PDE7B: variants seen among roughly 807,000 people sequenced by gnomAD.
PDE7B encodes the protein 3',5'-cyclic-AMP phosphodiesterase 7B.
In PDE7B, 29 loss-of-function variants were observed where a neutral mutation model predicts 56.2. That is an observed-to-expected ratio of 0.52 (90% CI 0.38 to 0.70). The LOEUF is 0.70. PDE7B is among the 30% of genes least tolerant of loss of function. The probability of loss-of-function intolerance (pLI) is 0.00; values close to 1 mark genes in which losing one functional copy is unlikely to be tolerated. For missense variants in PDE7B, 490 were observed against 565.0 expected (o/e 0.87, Z 1.35); for synonymous variants, 197 against 196.9 (o/e 1.00, Z 0.00).
At chr6:136,144,667 G>C (rs1458143718) in intron 3 of PDE7B, among the ~76,000 whole-genome samples, 1 of 151,618 alleles carries the variant, frequency 6.6e-6, no homozygotes, top group Non-Finnish European at 1.5e-5. Flanking sequence ...CACTGTCTCT[G>C]GTATTCATTA....
chr6:135,912,159 G>A (rs1379668410), intron 1 of PDE7B, among the ~76,000 whole-genome samples: 2 of 152,154 alleles, frequency 1.3e-5, no homozygotes, highest in African/African-American at 2.4e-5. Flanking sequence ...CAGCATAAGC[G>A]AAGAGTTGCT....
rs1205044527 is a variant in PDE7B, at chr6:135,947,008, C to A, written c.22-456C>A. ...ATTATTTATCTACTTGTTTTTCCTT[C>A]CAAGTTCAGAGAGATAAAGTATAGG... On this transcript the variant is annotated intron_variant, in intron 1 of 12. Transcript: ENST00000308191. 5.9e-5 allele frequency among the ~76,000 whole-genome samples: 9 copies of A among 152,128 alleles called. No individual in the cohort carries two copies. In the East Asian group the frequency reaches 1.7e-3, roughly 29 times the overall value.
chr6:136,093,186 T>G (rs1421932966), intron 2 of PDE7B, among the ~76,000 whole-genome samples: 1 of 152,216 alleles, frequency 6.6e-6, no homozygotes, highest in African/African-American at 2.4e-5. Flanking sequence ...CAAACGATGC[T>G]GCTTGTCAGG....
chr6:135,874,399 T>G (rs1365772389), intron 1 of PDE7B, among the ~76,000 whole-genome samples: 1 of 152,220 alleles, frequency 6.6e-6, no homozygotes, highest in East Asian at 1.9e-4. Context: ...CCTTTTTAGC[T>G]GAACATCACA....
At chr6:136,187,209 T>G (rs1281353446) in intron 12 of PDE7B, 93 bp downstream of exon 12, 3 of 726,364 alleles carry the variant, frequency 4.1e-6, no homozygotes, top group Non-Finnish European at 7.3e-6. Context: ...TTTCAAAAGA[T>G]CAGCACTGGA....
chr6:136,141,392 A>G (rs377153388), intron 3 of PDE7B, among the ~76,000 whole-genome samples: 59 of 152,314 alleles, frequency 3.9e-4, no homozygotes, highest in South Asian at 1.9e-3. Context: ...GGATACTTGC[A>G]TTGATGTTCA....
At chr6:136,023,897 T>C (rs1776110945) in intron 2 of PDE7B, among the ~76,000 whole-genome samples, 6 of 152,190 alleles carry the variant, frequency 3.9e-5, no homozygotes, top group Admixed American at 3.9e-4. Context: ...AATGATGTTC[T>C]TAAGGCCTGA....
chr6:135,991,208 C>T (rs1218173134), intron 2 of PDE7B, among the ~76,000 whole-genome samples: 2 of 152,118 alleles, frequency 1.3e-5, no homozygotes, highest in African/African-American at 2.4e-5. Flanking sequence ...CTCGTGCCAA[C>T]ATCCTATCTC....
At position 135,918,541 on chromosome 6, in the gene PDE7B, T is replaced by C. The variant is rs531809963; in HGVS notation, c.22-28923T>C. The stretch of plus-strand genomic sequence containing the variant: ...TTGTTTCTGTACCACTACTAGAATA[T>C]GTGCAGCTATGAAGCAGAGTGAAAG... On this transcript the variant is annotated intron_variant, in intron 1 of 12. Coordinates refer to ENST00000308191, the MANE Select transcript of PDE7B (RefSeq NM_018945.4). Among the ~76,000 whole-genome samples the C allele has an allele frequency of 2.2e-4, 34 of 152,318 alleles. No individual in the cohort carries two copies. The South Asian group carries it at 6.4e-3, about 29-fold the overall frequency.
intron 9 of PDE7B, among the ~76,000 whole-genome samples, 176 bp from the exon 10 acceptor site, chr6:136,178,821 C>T (rs373619699): frequency 1.9e-4 from 29 of 152,308 alleles, no homozygotes; most frequent in East Asian, 1.5e-3. Flanking sequence ...TGTCCAAGGA[C>T]GCAACTGGTG....
At chr6:136,134,389 T>C (rs907518007) in intron 3 of PDE7B, among the ~76,000 whole-genome samples, 3 of 152,088 alleles carry the variant, frequency 2.0e-5, no homozygotes, top group African/African-American at 7.2e-5. Flanking sequence ...CAACTCAAAG[T>C]TTGGTCACTT....
At chr6:136,157,804 G>A (rs1245155447) in intron 8 of PDE7B, among the ~76,000 whole-genome samples, 1 of 152,198 alleles carries the variant, frequency 6.6e-6, no homozygotes, top group Non-Finnish European at 1.5e-5. Flanking sequence ...GAGGGCATTA[G>A]AGTCAGGATG....
chr6:136,036,448 G>A (rs1776327345), intron 2 of PDE7B, among the ~76,000 whole-genome samples: 1 of 152,122 alleles, frequency 6.6e-6, no homozygotes, highest in Non-Finnish European at 1.5e-5. Context: ...AGGAGAGTAG[G>A]TTTGCCAGTA....
At chr6:136,051,219 A>G (rs919685171) in intron 2 of PDE7B, among the ~76,000 whole-genome samples, 1 of 152,204 alleles carries the variant, frequency 6.6e-6, no homozygotes, top group Non-Finnish European at 1.5e-5. Context: ...TGAGGCAGAA[A>G]CAGTGAAATG....
intron 3 of PDE7B, among the ~76,000 whole-genome samples, chr6:136,111,597 G>T (rs1777749508): frequency 6.6e-6 from 1 of 152,094 alleles, no homozygotes; most frequent in Non-Finnish European, 1.5e-5. Flanking sequence ...GTCACATAAG[G>T]TATATATGGC....
chr6:136,096,547 G>A (rs1476094813), intron 2 of PDE7B, among the ~76,000 whole-genome samples: 1 of 149,460 alleles, frequency 6.7e-6, no homozygotes, highest in African/African-American at 2.5e-5. Context: ...TTAAAGATAG[G>A]AAGTGGTTAG....
intron 2 of PDE7B, among the ~76,000 whole-genome samples, chr6:136,053,313 G>T (rs530053405): frequency 1.3e-4 from 20 of 149,832 alleles, no homozygotes; most frequent in Admixed American, 9.4e-4. Flanking sequence ...GCGGTGTTTG[G>T]TTTTTTGTCC....
chr6:135,971,238 A>G (rs919014635), intron 2 of PDE7B, among the ~76,000 whole-genome samples: 1 of 152,216 alleles, frequency 6.6e-6, no homozygotes, highest in Non-Finnish European at 1.5e-5. Flanking sequence ...ACATGAAGGC[A>G]GTCATCGACA....
intron 2 of PDE7B, among the ~76,000 whole-genome samples, chr6:136,024,109 T>G (rs1776113115): frequency 6.6e-6 from 1 of 152,202 alleles, no homozygotes. Flanking sequence ...TCTGTTATAA[T>G]GGGTTTCTAG....
Sources: gnomAD v4.1 joint callset for allele counts (sites outside exome capture counted in the v4.1 genomes callset) on GRCh38, gnomAD v4.1.1 for gene constraint, MANE v1.5 for transcripts, NCBI Gene and HGNC (gene_info 2026-07-23, HGNC 2026-07-21) for gene names.